DPH7: variants seen among roughly 807,000 people sequenced by gnomAD.
DPH7 encodes the protein diphthine methyltransferase.
A neutral mutation model predicts 41.7 loss-of-function variants in DPH7; 44 were observed. That is an observed-to-expected ratio of 1.05 (90% CI 0.83 to 1.36). DPH7 has a LOEUF of 1.36. DPH7 is among the 40% of genes most tolerant of loss of function. DPH7 has a pLI of 0.00. For synonymous variants in DPH7, 275 were observed against 238.0 expected (o/e 1.16, Z -1.43); for missense variants, 629 against 577.5 (o/e 1.09, Z -0.91).
Position 137,556,924 on chromosome 9 carries a change from G to A in DPH7, c.950-1276C>T. 2.2e-6 allele frequency: 1 copy of A among 455,852 alleles called. No homozygotes were observed. The highest frequency in any genetic ancestry group is 4.4e-6 in the Non-Finnish European group (1 of 226,740). 28.2% of individuals were successfully genotyped at this position (455,852 alleles called of 1,614,324 possible). ...CACTGTTGCGACCCCAAGAATGGGA[G>A]GCCCTTTCTGATTAGCCACAGGCCA... On this transcript the variant is annotated intron_variant, in intron 8 of 8. Transcript: ENST00000277540. This position sits in a 1 kb window ranked among gnomAD's most constrained non-coding sequence, Gnocchi z 5.2.
chr9:137,560,283 G>A (rs1588810294), intron 8 of DPH7, among the ~76,000 whole-genome samples: 2 of 152,240 alleles, frequency 1.3e-5, no homozygotes, highest in East Asian at 1.9e-4. Context: ...AACAGGCGGT[G>A]GCTGGGAACA....
intron 1 of DPH7, chr9:137,577,914 C>G (rs1841708195): frequency 1.0e-6 from 1 of 964,872 alleles, no homozygotes; most frequent in African/African-American, 1.8e-5. Context: ...CAATTTGGAT[C>G]CTAATATGTA....
intron 4 of DPH7, 112 bp downstream of exon 4, chr9:137,574,640 G>A: frequency 9.5e-7 from 1 of 1,056,682 alleles, no homozygotes; most frequent in Non-Finnish European, 1.4e-6. Flanking sequence ...ATGATGTCAG[G>A]GCTGAGGAGC....
At chr9:137,565,325 TCCCCGGGGTGA>T in intron 5 of DPH7, 171 bp from the exon 6 acceptor site, 1 of 155,264 alleles carries the variant, frequency 6.4e-6, no homozygotes, top group Non-Finnish European at 1.1e-5. Flanking sequence ...GTGAGGAAGC[TCCCCGGGGTGA>T]CTGTCTGTGA....
At chr9:137,574,907 T>C in intron 3 of DPH7, 64 bp from the exon 4 acceptor site, 2 of 1,602,300 alleles carry the variant, frequency 1.2e-6, no homozygotes, top group East Asian at 4.5e-5. Context: ...AAAAGACTTT[T>C]CCTCTCCTGC....
At chr9:137,558,775 G>C (rs961613609) in intron 8 of DPH7, among the ~76,000 whole-genome samples, 5 of 152,082 alleles carry the variant, frequency 3.3e-5, no homozygotes, top group African/African-American at 1.2e-4. Context: ...TGTCACTGTC[G>C]CCAGGCTGGA....
At chr9:137,564,759 C>T (rs1349248683) in intron 7 of DPH7, 134 bp downstream of exon 7, 22 of 1,416,582 alleles carry the variant, frequency 1.6e-5, no homozygotes, top group Middle Eastern at 2.2e-4. Flanking sequence ...ACCTACACTC[C>T]GGCGAAGCAC....
chr9:137,564,672 TG>T (rs561058596), intron 7 of DPH7, 66 bp from the exon 8 acceptor site: 8 of 1,569,304 alleles, frequency 5.1e-6, no homozygotes, highest in Admixed American at 1.8e-5. Context: ...ACAAGGCCCC[TG>T]GGGGGCACAG....
At chr9:137,563,431 C>T (rs1481144036) in intron 8 of DPH7, among the ~76,000 whole-genome samples, 2 of 147,816 alleles carry the variant, frequency 1.4e-5, no homozygotes, top group Non-Finnish European at 3.0e-5. Flanking sequence ...ACTTGGGAGG[C>T]TGAGGCAGGA....
Position 137,578,742 on chromosome 9 carries a change from G to T in DPH7, c.36C>A (p.Thr12=), listed in dbSNP as rs765584512. 3 of 1,523,792 alleles carry T rather than the reference G, an allele frequency of 2.0e-6. 1 individual carries two copies. The East Asian group carries it at 8.0e-5, about 41-fold the overall frequency. The allele number at this position is 1,523,792 out of a possible 1,614,324, so 94.4% of individuals were successfully genotyped here. The change falls in exon 1 of 9, where the codon ACC becomes ACA. Residue 12 remains threonine (T), a synonymous_variant. Coordinates refer to ENST00000277540, the MANE Select transcript of DPH7 (RefSeq NM_138778.5). ...MGCFALQTVD[T]ELTADSVEWC... Reference sequence around the variant, plus strand: ...ACTCCACCGAGTCCGCGGTCAGCTCGGTGTCCACCGTTTGCAGGGCGAAAC... The same window carrying T: ...ACTCCACCGAGTCCGCGGTCAGCTCTGTGTCCACCGTTTGCAGGGCGAAAC...
chr9:137,555,741 C>T, intron 8 of DPH7, 93 bp from the exon 9 acceptor site: 1 of 1,392,162 alleles, frequency 7.2e-7, no homozygotes, highest in African/African-American at 1.4e-5. Flanking sequence ...CCAAGAACAG[C>T]CCCTCACAGG....
At position 137,576,647 on chromosome 9, in the gene DPH7, T is replaced by C. The variant is rs182537353; in HGVS notation, c.288-480A>G. Among the ~76,000 whole-genome samples the C allele has an allele frequency of 1.8e-4, 27 of 152,010 alleles. No homozygotes were observed. The East Asian group carries it at 4.8e-3, about 27-fold the overall frequency. On this transcript the variant is annotated intron_variant, in intron 2 of 8. Coordinates refer to ENST00000277540, the MANE Select transcript of DPH7 (RefSeq NM_138778.5). ...GGCTCACGCCTGTAATCCCAGCACGTTGGGAGGCTGAGGCGGGTGGATCAC... is the reference window on the plus strand; with the variant it reads ...GGCTCACGCCTGTAATCCCAGCACGCTGGGAGGCTGAGGCGGGTGGATCAC...
chr9:137,564,692 C>T, intron 7 of DPH7, 86 bp from the exon 8 acceptor site: 3 of 1,540,900 alleles, frequency 1.9e-6, no homozygotes, highest in Non-Finnish European at 2.6e-6. Flanking sequence ...AGAACGTCTC[C>T]CAGAGACCTG....
chr9:137,565,025 G>A, intron 6 of DPH7, 60 bp downstream of exon 6: 1 of 1,611,192 alleles, frequency 6.2e-7, no homozygotes, highest in Non-Finnish European at 8.5e-7. Context: ...CGGGAGGGCT[G>A]GTGACCCAGG....
intron 8 of DPH7, among the ~76,000 whole-genome samples, chr9:137,564,074 C>A (rs1000098437): frequency 6.6e-6 from 1 of 152,140 alleles, no homozygotes; most frequent in Non-Finnish European, 1.5e-5. Context: ...AGAGTCCCAG[C>A]TGACCACAGG....
At chr9:137,563,137 A>T (rs821320) in intron 8 of DPH7, among the ~76,000 whole-genome samples, 27 of 149,050 alleles carry the variant, frequency 1.8e-4, no homozygotes, top group South Asian at 8.5e-4. Context: ...AGAGCAAGAC[A>T]CCATCTCAAA....
At chr9:137,569,584 C>T (rs111207805) in intron 5 of DPH7, among the ~76,000 whole-genome samples, 4 of 135,138 alleles carry the variant, frequency 3.0e-5, no homozygotes, top group African/African-American at 8.5e-5. Flanking sequence ...ATCCATCCAC[C>T]CCCCGTCTAT....
chr9:137,555,685 A>G (rs1456133911), intron 8 of DPH7, 37 bp from the exon 9 acceptor site: 15 of 1,547,540 alleles, frequency 9.7e-6, no homozygotes, highest in Admixed American at 5.6e-5. Flanking sequence ...GAAACACAAC[A>G]TCACCCAGAG....
Position 137,578,689 on chromosome 9 carries a change from A to G in DPH7, c.89T>C (p.Leu30Pro). The change falls in exon 1 of 9, where the codon CTG becomes CCG. Residue 30 changes from leucine (L) to proline (P), a missense_variant. By Grantham distance (98) the Leu-to-Pro change is moderately conservative. Coordinates refer to ENST00000277540, the MANE Select transcript of DPH7 (RefSeq NM_138778.5). Reference protein sequence around the residue: ...EWCPLQGCRHLLACGTYQLRR... With the variant: ...EWCPLQGCRHPLACGTYQLRR... ...CAGCTGGTAGGTCCCGCACGCCAGC[A>G]GGTGCCTGCAGCCTTGCAGCGGGCA... is the stretch of plus-strand genomic sequence containing the variant. 6.5e-7 allele frequency: 1 copy of G among 1,530,086 alleles called. No individual in the cohort carries two copies. The highest frequency in any genetic ancestry group is 1.4e-5 in the African/African-American group (1 of 70,164). The allele number at this position is 1,530,086 out of a possible 1,614,324, so 94.8% of individuals were successfully genotyped here.
Sources: gnomAD v4.1 joint callset for allele counts (sites outside exome capture counted in the v4.1 genomes callset) on GRCh38, gnomAD v4.1.1 for gene constraint, Gnocchi (gnomAD v3.1) non-coding constraint, MANE v1.5 for transcripts, NCBI Gene and HGNC (gene_info 2026-07-23, HGNC 2026-07-21) for gene names.